The following CADM2 variants were observed in gnomAD, a reference collection of about 807,000 sequenced individuals.
CADM2 encodes cell adhesion molecule 2.
Under a neutral mutation model 49.8 loss-of-function variants are expected in CADM2, and 12 were observed. That is an observed-to-expected ratio of 0.24 (90% CI 0.15 to 0.39). The LOEUF (loss-of-function observed/expected upper bound fraction) is 0.39, where lower values mean the gene tolerates loss of function less well. Ranked by LOEUF, CADM2 falls within the 10% of genes least tolerant of loss-of-function variation. The pLI is 1.00. For synonymous variants in CADM2, 214 were observed against 175.4 expected (o/e 1.22, Z -1.74); for missense variants, 378 against 492.3 (o/e 0.77, Z 2.20).
At chr3:85,355,355 C>G (rs116443986) in intron 1 of CADM2, among the ~76,000 whole-genome samples, 178 of 152,224 alleles carry the variant, frequency 1.2e-3, no homozygotes, top group African/African-American at 4.1e-3. Context: ...GCATGGTGAG[C>G]ACCTATCCCA....
chr3:85,061,653 T>C (rs973194785), intron 1 of CADM2, among the ~76,000 whole-genome samples: 7 of 152,126 alleles, frequency 4.6e-5, no homozygotes, highest in African/African-American at 1.7e-4. Flanking sequence ...AAGAGGGCTT[T>C]ATTTACTCCT....
At chr3:85,017,173 G>A (rs868328302) in intron 1 of CADM2, among the ~76,000 whole-genome samples, 29 of 152,208 alleles carry the variant, frequency 1.9e-4, no homozygotes, top group Admixed American at 1.3e-4. Flanking sequence ...GGAAAAAGCA[G>A]ATGGAGGAAG....
At chr3:85,445,952 C>T (rs1269116883) in intron 1 of CADM2, among the ~76,000 whole-genome samples, 1 of 152,128 alleles carries the variant, frequency 6.6e-6, no homozygotes, top group Non-Finnish European at 1.5e-5. Context: ...CTGAAAACTT[C>T]AGACCAGAGA....
At chr3:85,495,518 T>C (rs753234727) in intron 1 of CADM2, among the ~76,000 whole-genome samples, 12 of 152,066 alleles carry the variant, frequency 7.9e-5, no homozygotes, top group Non-Finnish European at 1.3e-4. Context: ...GACTTGCCCT[T>C]AGGTTGTTCT....
At chr3:86,018,846 T>C (rs1215013486) in intron 8 of CADM2, among the ~76,000 whole-genome samples, 1 of 151,304 alleles carries the variant, frequency 6.6e-6, no homozygotes, top group East Asian at 1.9e-4. Context: ...ACTCTGATGG[T>C]AGTTTCTTTT....
chr3:85,801,928 T>C, intron 2 of CADM2, 119 bp from the exon 3 acceptor site: 1 of 767,986 alleles, frequency 1.3e-6, no homozygotes, highest in South Asian at 2.3e-5. Flanking sequence ...TACAGTTTTG[T>C]CGTTGTTTGG....
intron 1 of CADM2, among the ~76,000 whole-genome samples, chr3:85,245,278 C>T (rs555352843): frequency 1.2e-4 from 19 of 152,078 alleles, no homozygotes; most frequent in South Asian, 4.2e-4. Flanking sequence ...TTTGGGAGGC[C>T]GAGGCGGGCG....
chr3:85,963,652 A>G (rs1725117866), intron 8 of CADM2, among the ~76,000 whole-genome samples: 1 of 151,900 alleles, frequency 6.6e-6, no homozygotes, highest in Admixed American at 6.6e-5. Flanking sequence ...CAGAAAAAAT[A>G]ATATACCTAA....
intron 1 of CADM2, among the ~76,000 whole-genome samples, chr3:85,248,835 C>T (rs1038935730): frequency 3.9e-5 from 6 of 152,146 alleles, no homozygotes; most frequent in Non-Finnish European, 7.3e-5. Context: ...ATAAATACAT[C>T]AGATGCCATT....
intron 7 of CADM2, among the ~76,000 whole-genome samples, chr3:85,939,066 G>C (rs1335673144): frequency 2.0e-5 from 3 of 151,962 alleles, no homozygotes; most frequent in Non-Finnish European, 2.9e-5. Context: ...CATGGCTCAA[G>C]TTGCACTGAG....
chr3:85,166,881 AT>A (rs2040484335), intron 1 of CADM2, among the ~76,000 whole-genome samples: 1 of 151,936 alleles, frequency 6.6e-6, no homozygotes, highest in African/African-American at 2.4e-5. Context: ...GACTCAATTT[AT>A]TTGTATTGTA....
At chr3:85,084,949 T>C (rs1575830445) in intron 1 of CADM2, among the ~76,000 whole-genome samples, 1 of 152,258 alleles carries the variant, frequency 6.6e-6, no homozygotes, top group East Asian at 1.9e-4. Context: ...TTAAGTTTAA[T>C]TGATAGAAAT....
intron 1 of CADM2, among the ~76,000 whole-genome samples, chr3:85,025,641 A>G (rs1321930996): frequency 1.3e-5 from 2 of 152,180 alleles, no homozygotes; most frequent in Non-Finnish European, 2.9e-5. Context: ...CCCTTTGCAT[A>G]GCGCATTAGA....
At chr3:85,610,179 A>G (rs1175197692) in intron 1 of CADM2, among the ~76,000 whole-genome samples, 2 of 152,006 alleles carry the variant, frequency 1.3e-5, no homozygotes, top group Non-Finnish European at 2.9e-5. Flanking sequence ...TAATTTAATG[A>G]CTTCGAAGAG....
At chr3:85,882,559 C>A (rs889063881) in intron 3 of CADM2, among the ~76,000 whole-genome samples, 3 of 152,036 alleles carry the variant, frequency 2.0e-5, no homozygotes, top group Middle Eastern at 3.2e-3. Context: ...TGCTTAATTC[C>A]CGATTCTACA....
chr3:85,905,796 A>T (rs1716720997), intron 5 of CADM2, among the ~76,000 whole-genome samples: 1 of 152,192 alleles, frequency 6.6e-6, no homozygotes, highest in Non-Finnish European at 1.5e-5. Context: ...GATTCTCAGA[A>T]TACAAGGTAA....
chr3:86,021,133 G>A (rs1240590747), intron 8 of CADM2, among the ~76,000 whole-genome samples: 1 of 152,066 alleles, frequency 6.6e-6, no homozygotes, highest in African/African-American at 2.4e-5. Context: ...CTAAGTAGCT[G>A]GAATTACAGG....
intron 1 of CADM2, among the ~76,000 whole-genome samples, chr3:85,213,351 A>T (rs1013372816): frequency 2.0e-5 from 3 of 150,040 alleles, no homozygotes; most frequent in South Asian, 2.1e-4. Flanking sequence ...TTCTAGTATA[A>T]TTTTTTTTTT....
At chr3:85,728,546 A>G (rs2067800885) in intron 2 of CADM2, among the ~76,000 whole-genome samples, 1 of 152,164 alleles carries the variant, frequency 6.6e-6, no homozygotes, top group Non-Finnish European at 1.5e-5. Flanking sequence ...AACAGAAAAA[A>G]AAAAGTGGAT....
Sources: gnomAD v4.1 joint callset for allele counts (sites outside exome capture counted in the v4.1 genomes callset) on GRCh38, gnomAD v4.1.1 for gene constraint, MANE v1.5 for transcripts, NCBI Gene and HGNC (gene_info 2026-07-23, HGNC 2026-07-21) for gene names.